The following CIBAR1 variants were observed in gnomAD, a reference collection of about 807,000 sequenced individuals.
CIBAR1 encodes CBY1 interacting BAR domain containing 1, also known as CBY1-interacting BAR domain-containing protein 1.
CIBAR1 carries 25 observed loss-of-function variants against 44.0 expected under a neutral mutation model. The observed-to-expected ratio is 0.57, with a 90% CI of 0.41 to 0.79. CIBAR1 has a LOEUF of 0.79. CIBAR1 is among the 30% of genes least tolerant of loss of function. CIBAR1 has a pLI of 0.00. For synonymous variants in CIBAR1, 115 were observed against 119.0 expected, an observed-to-expected ratio of 0.97 and a Z score of 0.22; for missense variants, 278 against 344.8, an observed-to-expected ratio of 0.81 and a Z score of 1.53.
At chr8:93,706,876 A>G (rs1057129930) in intron 4 of CIBAR1, among the ~76,000 whole-genome samples, 6 of 152,198 alleles carry the variant, frequency 3.9e-5, no homozygotes, top group African/African-American at 1.4e-4. Context: ...ATTATGGCAT[A>G]TTTCCCAGGA....
chr8:93,702,155 T>C, intron 2 of CIBAR1: 1 of 362,924 alleles, frequency 2.8e-6, no homozygotes, highest in South Asian at 2.2e-5. Flanking sequence ...TGCTTTTTTA[T>C]ACTTTTCAGA....
intron 7 of CIBAR1, among the ~76,000 whole-genome samples, chr8:93,720,422 GTGTT>G: frequency 6.6e-6 from 1 of 152,262 alleles, no homozygotes; most frequent in South Asian, 2.1e-4. Flanking sequence ...ATGTGTATAT[GTGTT>G]TCTAATGTCA....
chr8:93,700,886 C>G, intron 1 of CIBAR1: 1 of 1,309,462 alleles, frequency 7.6e-7, no homozygotes, highest in African/African-American at 1.5e-5. Context: ...GCCACCCACC[C>G]ACGCCACCGG....
intron 8 of CIBAR1, among the ~76,000 whole-genome samples, 185 bp from the exon 9 acceptor site, chr8:93,728,020 G>A (rs1270996262): frequency 6.6e-6 from 1 of 151,864 alleles, no homozygotes; most frequent in African/African-American, 2.4e-5. Context: ...AAAAAAATGT[G>A]ATGAATGAAA....
At chr8:93,714,632 T>C (rs1228106853) in intron 6 of CIBAR1, among the ~76,000 whole-genome samples, 1 of 152,092 alleles carries the variant, frequency 6.6e-6, no homozygotes, top group East Asian at 1.9e-4. Context: ...CAATAAGGGT[T>C]ACATTATAGC....
chr8:93,700,741 C>T, intron 1 of CIBAR1, 68 bp downstream of exon 1: 1 of 1,449,806 alleles, frequency 6.9e-7, no homozygotes, highest in Non-Finnish European at 9.1e-7. Context: ...AAGTGGAAGC[C>T]TCTGTCCATG....
chr8:93,700,941 G>A (rs1449065372), intron 1 of CIBAR1: 2 of 1,375,534 alleles, frequency 1.5e-6, no homozygotes, highest in Admixed American at 3.5e-5. Context: ...AAGCCTAGGA[G>A]GCAGCCGGGC....
intron 7 of CIBAR1, among the ~76,000 whole-genome samples, chr8:93,718,996 T>A (rs1037408692): frequency 6.6e-6 from 1 of 152,154 alleles, no homozygotes; most frequent in African/African-American, 2.4e-5. Flanking sequence ...CCTAACTAGC[T>A]TGGATTACAG....
At chr8:93,726,339 C>T in intron 7 of CIBAR1, 55 bp from the exon 8 acceptor site, 1 of 1,409,704 alleles carries the variant, frequency 7.1e-7, no homozygotes, top group Non-Finnish European at 9.4e-7. Context: ...CTTAATTTGA[C>T]TGTCTTGATT....
rs1586296023 is a variant in CIBAR1, at chr8:93,726,205, A to G, written c.658-189A>G. The G allele has an allele frequency of 5.9e-6, 3 of 510,456 alleles. No homozygotes were observed. The South Asian group carries it at 6.7e-5, about 11-fold the overall frequency. 31.6% of individuals were successfully genotyped at this position (510,456 alleles called of 1,614,324 possible). ...TCTGTCATCATCTTACATAGTTCAA[A>G]TAGAATTTTTAGCTTTCATCTTTCT... On this transcript the variant is annotated intron_variant, in intron 7 of 8. Transcript: ENST00000518322.
At position 93,729,319 on chromosome 8, in the gene CIBAR1, G is replaced by A. The variant is rs2130410121; in HGVS notation, c.*1022G>A. 1 of 152,214 alleles carries A rather than the reference G, an allele frequency of 6.6e-6. No individual in the cohort carries two copies. Among genetic ancestry groups the A allele is most frequent in the South Asian group, 2.1e-4 (1 of 4,822 alleles). The allele number at this position is 152,214 out of a possible 1,614,324, so 9.4% of individuals were successfully genotyped here. On this transcript the variant is annotated 3_prime_UTR_variant, in exon 9 of 9. Coordinates refer to ENST00000518322, the MANE Select transcript of CIBAR1 (RefSeq NM_145269.5). ...CCTGAGAATAGTCCTAAGTGACAAA[G>A]TTGTTTCAGTACTTTTTTGTAAAAT...
Position 93,731,073 on chromosome 8 carries a change from C to G in CIBAR1, c.*2776C>G, listed in dbSNP as rs1811772955. 1 of 152,204 alleles carries G rather than the reference C, an allele frequency of 6.6e-6. No individual in the cohort carries two copies. The highest frequency in any genetic ancestry group is 1.5e-5 in the Non-Finnish European group (1 of 68,088). 9.4% of individuals were successfully genotyped at this position (152,204 alleles called of 1,614,324 possible). A position where few individuals can be genotyped will look rare whatever the true frequency, so the allele number is the denominator to read the frequency against. On this transcript the variant is annotated 3_prime_UTR_variant, in exon 9 of 9. Coordinates refer to ENST00000518322, the MANE Select transcript of CIBAR1 (RefSeq NM_145269.5). ...CTCTCAGGAGGCTGAGGCAGGAAGACAGCTTGAGCCCAGGAGTTAGAAGCT... is the reference window on the plus strand; with the variant it reads ...CTCTCAGGAGGCTGAGGCAGGAAGAGAGCTTGAGCCCAGGAGTTAGAAGCT...
rs756948291 is a variant in CIBAR1 at position 93,701,450 on chromosome 8, C to T, written c.253C>T (p.Gln85Ter). Residue 85 changes from glutamine (Q) to a stop codon, truncating the protein, a stop_gained, in exon 2 of 9, where the codon CAA (glutamine) becomes TAA (stop). Transcript: ENST00000518322. LOFTEE classifies it high-confidence loss of function. ...GTTTGCCAAACTTCAGGATTATCGA[C>T]AAGCAGAGGTATGGAGTGAGATCAC... Reference protein sequence around the residue: ...DEFAKLQDYRQAEVERLEAKV... With the variant: ...DEFAKLQDYR 6.2e-7 allele frequency: 1 copy of T among 1,612,944 alleles called. No homozygotes were observed. The highest frequency in any genetic ancestry group is 1.7e-5 in the Admixed American group (1 of 59,888).
chr8:93,711,270 GTTTTT>G (rs989450749), intron 6 of CIBAR1, among the ~76,000 whole-genome samples: 5 of 152,042 alleles, frequency 3.3e-5, no homozygotes, highest in African/African-American at 1.2e-4. Context: ...AAATATGTTT[GTTTTT>G]ATTTTACTAC....
At chr8:93,709,551 G>GT (rs912717862) in intron 5 of CIBAR1, among the ~76,000 whole-genome samples, 5 of 151,722 alleles carry the variant, frequency 3.3e-5, no homozygotes, top group Admixed American at 6.6e-5. Flanking sequence ...TGTTCTTAGG[G>GT]TTTTTTTTCT....
intron 7 of CIBAR1, 81 bp downstream of exon 7, chr8:93,718,869 CT>C (rs1048569919): frequency 0.079 from 51,820 of 653,078 alleles, 2 homozygotes; most frequent in East Asian, 0.11. Context: ...TGATTAATAT[CT>C]TTTTTTTTTT....
rs774504781 is a variant in CIBAR1, at chr8:93,709,820, G to C, written c.488G>C (p.Arg163Pro). ...GCAATGGATGCTAGCCGAACAAGTC[G>C]TCATCTGGAGGAAACTATTAACAAC... ...RAAMDASRTS[R>P]HLEETINNFE... Residue 163 changes from arginine (R) to proline (P), a missense_variant, in exon 6 of 9, where the codon CGT (arginine) becomes CCT (proline). Physicochemically the swap from Arg to Pro is moderately radical, Grantham distance 103 (BLOSUM62 -2). Transcript: ENST00000518322. 1.2e-6 allele frequency: 2 copies of C among 1,613,196 alleles called. No individual in the cohort carries two copies. The highest frequency in any genetic ancestry group is 1.7e-5 in the Admixed American group (1 of 59,978).
Position 93,701,226 on chromosome 8 carries a change from A to G in CIBAR1, c.29A>G (p.Asn10Ser), listed in dbSNP as rs575024862. The G allele has an allele frequency of 3.1e-6, 5 of 1,612,356 alleles. No individual in the cohort carries two copies. The African/African-American group carries it at 4.0e-5, about 13-fold the overall frequency. Residue 10 changes from asparagine (N) to serine (S), a missense_variant and splice_region_variant, in exon 2 of 9, where the codon AAC (asparagine) becomes AGC (serine). Asn to Ser is a conservative substitution (Grantham distance 46). Transcript: ENST00000518322. ...CTTTTGTGTCACCTTTTCCCTAGGA[A>G]CGCTCAAACGAAACAACTGCAAACA... MMRRTLENRNAQTKQLQTAV... is the reference protein window; with the variant it reads MMRRTLENRSAQTKQLQTAV...
chr8:93,725,186 T>C (rs559530948), intron 7 of CIBAR1, among the ~76,000 whole-genome samples: 2 of 152,270 alleles, frequency 1.3e-5, no homozygotes, highest in East Asian at 3.9e-4. Context: ...TTTCGCCATG[T>C]TGCCCAGGCT....
Sources: allele counts gnomAD v4.1 joint callset (sites outside exome capture counted in the v4.1 genomes callset), GRCh38; gene constraint gnomAD v4.1.1; transcripts MANE v1.5; gene names NCBI Gene and HGNC (gene_info 2026-07-23, HGNC 2026-07-21).